The following TDP1 variants were observed in gnomAD, a reference collection of about 807,000 sequenced individuals.
The protein encoded by TDP1 is tyr-DNA phosphodiesterase 1.
A neutral mutation model predicts 81.5 loss-of-function variants in TDP1; 64 were observed. The ratio of observed to expected loss-of-function variants is 0.79; its 90% CI spans 0.64 to 0.97. TDP1 has a LOEUF of 0.97. Ranked by LOEUF, TDP1 falls within the 50% of genes least tolerant of loss-of-function variation. TDP1 has a pLI of 0.00. For synonymous variants in TDP1, 256 were observed against 264.3 expected (o/e 0.97, Z 0.30); for missense variants, 723 against 743.8 (o/e 0.97, Z 0.33).
intron 6 of TDP1, 37 bp from the exon 7 acceptor site, chr14:89,975,744 A>C: frequency 6.4e-7 from 1 of 1,558,432 alleles, no homozygotes; most frequent in Non-Finnish European, 8.9e-7. Context: ...GATATTAGTG[A>C]GTTGTTTTTA....
In TDP1 at chr14:90,043,614, A is replaced by G. The variant is rs1375435240; in HGVS notation, c.*471A>G. ...TATTTTGAGTAATTTTATGCATGAAACAAAGTTTTGACAGGCTTTTGACCG... is the reference window on the plus strand; with the variant it reads ...TATTTTGAGTAATTTTATGCATGAAGCAAAGTTTTGACAGGCTTTTGACCG... On this transcript the variant is annotated 3_prime_UTR_variant, in exon 17 of 17. Coordinates refer to ENST00000335725, the MANE Select transcript of TDP1 (RefSeq NM_018319.4). The G allele has an allele frequency of 5.3e-6, 1 of 190,166 alleles. No homozygotes were observed. The highest frequency in any genetic ancestry group is 1.1e-5 in the Non-Finnish European group (1 of 91,330). The allele number at this position is 190,166 out of a possible 1,614,324, so 11.8% of individuals were successfully genotyped here. A position where few individuals can be genotyped will look rare whatever the true frequency, so the allele number is the denominator to read the frequency against.
At chr14:89,989,425 C>T in intron 11 of TDP1, 1 of 983,192 alleles carries the variant, frequency 1.0e-6, no homozygotes, top group Non-Finnish European at 1.2e-6. Flanking sequence ...GAATTATGGG[C>T]ATTTTAATTA....
chr14:89,991,895 T>A (rs1011750491), intron 12 of TDP1, 22 bp from the exon 13 acceptor site: 1 of 1,597,006 alleles, frequency 6.3e-7, no homozygotes, highest in Non-Finnish European at 8.5e-7. Flanking sequence ...TAATTTTTAT[T>A]GTTTTATTTT....
intron 3 of TDP1, chr14:89,965,633 C>T (rs1309624328): frequency 3.8e-6 from 1 of 266,010 alleles, no homozygotes; most frequent in East Asian, 1.8e-4. Context: ...CTAGAGATGA[C>T]CAGGAACACC....
rs1566891471 is a variant in TDP1 at position 89,998,442 on chromosome 14, A to ACGTATG, written c.1541+4959_1541+4960insCGTATG. 3.8e-4 allele frequency among the ~76,000 whole-genome samples: 47 copies of ACGTATG among 122,412 alleles called. 4 individuals carry two copies. The highest frequency in any genetic ancestry group is 2.0e-3 in the African/African-American group (44 of 22,338). The allele number at this position is 122,412 out of a possible 152,430, so 80.3% of individuals were successfully genotyped here. ...TATATATGTATGTATGTATGTATGT[A>ACGTATG]TATGTATATGTATATATATGTATAT... On this transcript the variant is annotated intron_variant, in intron 14 of 16. Transcript: ENST00000335725.
intron 4 of TDP1, 102 bp from the exon 5 acceptor site, chr14:89,967,259 GTATCAC>G: frequency 1.5e-6 from 2 of 1,325,956 alleles, no homozygotes; most frequent in Non-Finnish European, 2.2e-6. Context: ...TACATGTAGT[GTATCAC>G]TATTTTAGAG....
chr14:90,022,961 C>T, intron 15 of TDP1: 1 of 731,556 alleles, frequency 1.4e-6, no homozygotes, highest in Non-Finnish European at 2.5e-6. Flanking sequence ...CTGGACGTTC[C>T]AGTGGCCTGG....
At chr14:89,964,957 C>A in intron 3 of TDP1, 1 of 378,456 alleles carries the variant, frequency 2.6e-6, no homozygotes. Context: ...ATTCTGGCAT[C>A]AGAATCCATG....
At chr14:89,975,626 T>C in intron 6 of TDP1, 155 bp from the exon 7 acceptor site, 1 of 458,272 alleles carries the variant, frequency 2.2e-6, no homozygotes, top group South Asian at 9.4e-5. Flanking sequence ...GATGCTATTA[T>C]AAAAGCTGTC....
chr14:90,012,619 G>T (rs1254337154), intron 14 of TDP1, among the ~76,000 whole-genome samples: 1 of 152,072 alleles, frequency 6.6e-6, no homozygotes, highest in Non-Finnish European at 1.5e-5. Context: ...TGCTGCAGGG[G>T]TGGAGCCCTC....
intron 15 of TDP1, chr14:90,032,724 C>G: frequency 1.0e-6 from 1 of 984,890 alleles, no homozygotes; most frequent in Non-Finnish European, 1.2e-6. Context: ...CAGCCTGTTA[C>G]TATAGCAATG....
intron 14 of TDP1, among the ~76,000 whole-genome samples, chr14:89,995,242 G>A (rs1448464360): frequency 6.6e-6 from 1 of 152,148 alleles, no homozygotes; most frequent in Non-Finnish European, 1.5e-5. Flanking sequence ...AGACTGTTCT[G>A]GGTGAGCAAT....
chr14:90,020,825 T>G (rs994016785), intron 15 of TDP1, among the ~76,000 whole-genome samples: 6 of 141,768 alleles, frequency 4.2e-5, no homozygotes, highest in Non-Finnish European at 4.6e-5. Flanking sequence ...AGACAGAGTC[T>G]CGCTCTGTCG....
At chr14:89,985,361 G>A (rs1895442296) in intron 10 of TDP1, 151 bp downstream of exon 10, 6 of 604,780 alleles carry the variant, frequency 9.9e-6, no homozygotes, top group Non-Finnish European at 1.4e-5. Flanking sequence ...ATAATTCTTA[G>A]TAATTACTGC....
At chr14:90,026,900 A>T (rs550497835) in intron 15 of TDP1, among the ~76,000 whole-genome samples, 1 of 152,328 alleles carries the variant, frequency 6.6e-6, no homozygotes, top group African/African-American at 2.4e-5. Context: ...TGCTATTGTG[A>T]ATAGTGCTGC....
chr14:90,025,543 C>T (rs35159591), intron 15 of TDP1, among the ~76,000 whole-genome samples: 167 of 152,188 alleles, frequency 1.1e-3, no homozygotes, highest in Middle Eastern at 6.8e-3. Flanking sequence ...ACTTTGTATG[C>T]CCAGTACTTA....
Position 90,019,326 on chromosome 14 carries a change from T to TC in TDP1, c.1554dup (p.Lys519GlnfsTer57). Reference sequence around the variant, plus strand: ...TCCTTGTCTCTGCAGCGCAAATCTGTCCAAGGCTGCCTGGGGAGCATTGGA... The same window carrying TC: ...TCCTTGTCTCTGCAGCGCAAATCTGTCCCAAGGCTGCCTGGGGAGCATTGGA... On this transcript the variant is annotated frameshift_variant, in exon 15 of 17. Coordinates refer to ENST00000335725, the MANE Select transcript of TDP1 (RefSeq NM_018319.4). LOFTEE classifies it high-confidence loss of function. The TC allele has an allele frequency of 6.2e-7, 1 of 1,609,238 alleles. No individual in the cohort carries two copies. Among genetic ancestry groups the TC allele is most frequent in the Non-Finnish European group, 8.5e-7 (1 of 1,175,888 alleles).
intron 5 of TDP1, among the ~76,000 whole-genome samples, chr14:89,969,036 G>C (rs1456601645): frequency 6.6e-6 from 1 of 152,208 alleles, no homozygotes; most frequent in African/African-American, 2.4e-5. Flanking sequence ...TAAAGACACA[G>C]AACGCCATTT....
At chr14:89,969,928 G>A (rs935657527) in intron 5 of TDP1, among the ~76,000 whole-genome samples, 5 of 142,964 alleles carry the variant, frequency 3.5e-5, no homozygotes, top group African/African-American at 1.3e-4. Context: ...CCAGGCTGGA[G>A]TGCAGTGGCG....
Sources: allele counts gnomAD v4.1 joint callset (sites outside exome capture counted in the v4.1 genomes callset), GRCh38; gene constraint gnomAD v4.1.1; transcripts MANE v1.5; gene names NCBI Gene and HGNC (gene_info 2026-07-23, HGNC 2026-07-21).